GABRB1: variants seen among roughly 807,000 people sequenced by gnomAD.
GABRB1 encodes gamma-aminobutyric acid receptor subunit beta-1.
A neutral mutation model predicts 51.6 loss-of-function variants in GABRB1; 17 were observed. That is an observed-to-expected ratio of 0.33 (90% CI 0.23 to 0.49). The LOEUF (loss-of-function observed/expected upper bound fraction) is 0.49, where lower values mean the gene tolerates loss of function less well. Among genes scored for constraint, GABRB1 ranks in the 20% least tolerant of loss-of-function variants. GABRB1 has a pLI of 0.99. For synonymous variants in GABRB1, 247 were observed against 218.9 expected, an observed-to-expected ratio of 1.13 and a Z score of -1.14; for missense variants, 410 against 600.6, an observed-to-expected ratio of 0.68 and a Z score of 3.32.
intron 8 of GABRB1, among the ~76,000 whole-genome samples, 188 bp downstream of exon 8, chr4:47,407,114 G>T (rs1017141351): frequency 6.6e-6 from 1 of 152,118 alleles, no homozygotes; most frequent in Non-Finnish European, 1.5e-5. Context: ...ATACTGATTA[G>T]TAATATACCC....
At chr4:47,105,239 T>C (rs184933560) in intron 3 of GABRB1, among the ~76,000 whole-genome samples, 2 of 152,232 alleles carry the variant, frequency 1.3e-5, no homozygotes, top group African/African-American at 4.8e-5. Context: ...TTTTTCTCAA[T>C]GATTACTCCA....
intron 5 of GABRB1, among the ~76,000 whole-genome samples, chr4:47,395,812 T>A (rs1578143414): frequency 6.6e-6 from 1 of 152,282 alleles, no homozygotes; most frequent in Non-Finnish European, 1.5e-5. Flanking sequence ...CCCTCCAGAG[T>A]TTTTTCATAC....
chr4:47,406,069 G>A (rs1236729400), intron 7 of GABRB1, among the ~76,000 whole-genome samples: 1 of 152,138 alleles, frequency 6.6e-6, no homozygotes, highest in Admixed American at 6.6e-5. Flanking sequence ...CAAGATTATA[G>A]TAAATGTAAA....
At chr4:47,114,411 G>A (rs1359866773) in intron 3 of GABRB1, among the ~76,000 whole-genome samples, 1 of 151,988 alleles carries the variant, frequency 6.6e-6, no homozygotes, top group Non-Finnish European at 1.5e-5. Flanking sequence ...ATCAAGGTTG[G>A]GCACTAAAAG....
At chr4:47,005,042 G>C (rs924412657) in intron 1 of GABRB1, among the ~76,000 whole-genome samples, 7 of 152,144 alleles carry the variant, frequency 4.6e-5, no homozygotes, top group Non-Finnish European at 8.8e-5. Flanking sequence ...TGGGCCTAGG[G>C]GGAGGCCAGA....
chr4:47,198,109 G>A (rs966422596), intron 4 of GABRB1, among the ~76,000 whole-genome samples: 31 of 152,080 alleles, frequency 2.0e-4, no homozygotes, highest in Middle Eastern at 3.2e-3. Context: ...TCCATAAACC[G>A]ATATCTCTAC....
At chr4:47,039,789 G>C (rs1013792247) in intron 3 of GABRB1, among the ~76,000 whole-genome samples, 1 of 152,172 alleles carries the variant, frequency 6.6e-6, no homozygotes, top group African/African-American at 2.4e-5. Flanking sequence ...AAGTGTTCTG[G>C]GAACTACAGA....
At chr4:47,190,381 A>G (rs893617857) in intron 4 of GABRB1, among the ~76,000 whole-genome samples, 1 of 152,142 alleles carries the variant, frequency 6.6e-6, no homozygotes, top group African/African-American at 2.4e-5. Flanking sequence ...TTTGGTGAAC[A>G]AGAGAAGCTT....
chr4:47,219,860 G>A (rs947139813), intron 4 of GABRB1, among the ~76,000 whole-genome samples: 1 of 151,700 alleles, frequency 6.6e-6, no homozygotes. Context: ...CAATGAGACT[G>A]GATTTTTTTC....
intron 3 of GABRB1, among the ~76,000 whole-genome samples, chr4:47,139,962 A>G (rs1716851829): frequency 1.3e-5 from 2 of 152,044 alleles, no homozygotes; most frequent in Non-Finnish European, 2.9e-5. Context: ...AGTAAATAGT[A>G]AATCTAATCT....
intron 4 of GABRB1, among the ~76,000 whole-genome samples, chr4:47,183,422 T>C (rs1052336287): frequency 1.3e-5 from 2 of 149,440 alleles, no homozygotes; most frequent in Non-Finnish European, 3.0e-5. Context: ...GTTTAGCACA[T>C]TTATTTTTAA....
At position 46,997,773 on chromosome 4, in the gene GABRB1, CATACACAT is replaced by C. The variant is rs1309139145; in HGVS notation, c.-20+3861_-20+3868del. Among the ~76,000 whole-genome samples, 7 of 152,114 alleles carry C rather than the reference CATACACAT, an allele frequency of 4.6e-5. 1 individual carries two copies. The South Asian group carries it at 1.2e-3, about 27-fold the overall frequency. On this transcript the variant is annotated intron_variant, in intron 1 of 3. Transcript: ENST00000513567. The stretch of plus-strand genomic sequence containing the variant: ...ATATACACACACATATATATGCACA[CATACACAT>C]ATACACATATACATATAACAGTTTC...
chr4:47,351,496 T>C (rs577425609), intron 5 of GABRB1, among the ~76,000 whole-genome samples: 16 of 151,966 alleles, frequency 1.1e-4, no homozygotes, highest in African/African-American at 1.5e-4. Flanking sequence ...GCCATGCTAG[T>C]GTGCTGCACC....
At chr4:47,009,042 T>G (rs1449266452) in intron 1 of GABRB1, among the ~76,000 whole-genome samples, 17 of 148,466 alleles carry the variant, frequency 1.1e-4, no homozygotes, top group Admixed American at 1.1e-3. Flanking sequence ...TTTTTGTATT[T>G]TTTAGTAGAG....
intron 4 of GABRB1, among the ~76,000 whole-genome samples, chr4:47,189,990 A>G (rs1336233418): frequency 1.3e-5 from 2 of 152,060 alleles, no homozygotes; most frequent in African/African-American, 4.8e-5. Context: ...GCTGGCATTC[A>G]TGATTCCAGA....
chr4:47,312,839 T>C (rs992517878), intron 4 of GABRB1, among the ~76,000 whole-genome samples: 1 of 152,160 alleles, frequency 6.6e-6, no homozygotes, highest in Non-Finnish European at 1.5e-5. Context: ...TCCATGTGTA[T>C]ATGTGTGCAC....
chr4:47,116,905 A>G (rs1715509034), intron 3 of GABRB1, among the ~76,000 whole-genome samples: 1 of 152,158 alleles, frequency 6.6e-6, no homozygotes, highest in African/African-American at 2.4e-5. Flanking sequence ...ATGGTGGAGC[A>G]GGAGAGAGAG....
At chr4:47,370,456 C>T (rs1171888021) in intron 5 of GABRB1, among the ~76,000 whole-genome samples, 1 of 149,592 alleles carries the variant, frequency 6.7e-6, no homozygotes, top group East Asian at 1.9e-4. Context: ...CACTGCATTC[C>T]AGCCTGGGCG....
intron 1 of GABRB1, among the ~76,000 whole-genome samples, chr4:47,010,019 C>T (rs13111327): frequency 1.3e-3 from 197 of 152,108 alleles, no homozygotes; most frequent in African/African-American, 4.4e-3. Context: ...TGCAGATAAA[C>T]TTTACCTACC....
Sources: gnomAD v4.1 joint callset for allele counts (sites outside exome capture counted in the v4.1 genomes callset) on GRCh38, gnomAD v4.1.1 for gene constraint, MANE v1.5 for transcripts, NCBI Gene and HGNC (gene_info 2026-07-23, HGNC 2026-07-21) for gene names.